Variants in RHOBTB3 observed in about 807,000 individuals in gnomAD.
RHOBTB3 encodes the protein Rho related BTB domain containing 3.
In RHOBTB3, 47 loss-of-function variants were observed where a neutral mutation model predicts 67.2. The ratio of observed to expected loss-of-function variants is 0.70; its 90% CI spans 0.55 to 0.89. The LOEUF (loss-of-function observed/expected upper bound fraction) is 0.89, where lower values mean the gene tolerates loss of function less well. Ranked by LOEUF, RHOBTB3 falls within the 40% of genes least tolerant of loss-of-function variation. The probability of loss-of-function intolerance (pLI) is 0.00; values close to 1 mark genes in which losing one functional copy is unlikely to be tolerated. For missense variants in RHOBTB3, 631 were observed against 750.0 expected, an observed-to-expected ratio of 0.84 and a Z score of 1.85; for synonymous variants, 273 against 274.2, an observed-to-expected ratio of 1.00 and a Z score of 0.04.
At chr5:95,738,021 C>T (rs1755495031) in intron 3 of RHOBTB3, among the ~76,000 whole-genome samples, 1 of 152,152 alleles carries the variant, frequency 6.6e-6, no homozygotes, top group African/African-American at 2.4e-5. Flanking sequence ...TAGCATAATA[C>T]TTTTGAGATT....
intron 3 of RHOBTB3, among the ~76,000 whole-genome samples, chr5:95,737,857 C>T (rs545358416): frequency 1.3e-5 from 2 of 152,294 alleles, no homozygotes; most frequent in East Asian, 3.9e-4. Context: ...CTTGAGAAGG[C>T]TCCCTCATGC....
At chr5:95,761,996 C>T (rs1031445852) in intron 6 of RHOBTB3, among the ~76,000 whole-genome samples, 1 of 152,160 alleles carries the variant, frequency 6.6e-6, no homozygotes, top group African/African-American at 2.4e-5. Flanking sequence ...CTACACTACA[C>T]AGCTTTGAGA....
upstream of RHOBTB3, among the ~76,000 whole-genome samples, chr5:95,726,903 A>T (rs1036997084): frequency 1.3e-5 from 2 of 152,006 alleles, no homozygotes; most frequent in Non-Finnish European, 2.9e-5. Flanking sequence ...TTACTGGTCA[A>T]CCTGGGGTAC....
chr5:95,783,208 G>A (rs994138670), intron 9 of RHOBTB3, among the ~76,000 whole-genome samples: 3 of 151,388 alleles, frequency 2.0e-5, no homozygotes, highest in Admixed American at 1.3e-4. Flanking sequence ...TGCAACCTTC[G>A]CCTCCCAGGT....
chr5:95,792,456 A>T (rs1365734658), intron 11 of RHOBTB3, among the ~76,000 whole-genome samples: 1 of 151,816 alleles, frequency 6.6e-6, no homozygotes, highest in Non-Finnish European at 1.5e-5. Context: ...ATGGAAAAAA[A>T]AAATAAGTCC....
intron 8 of RHOBTB3, among the ~76,000 whole-genome samples, chr5:95,776,617 A>T (rs1745891595): frequency 6.6e-6 from 1 of 152,200 alleles, no homozygotes; most frequent in Non-Finnish European, 1.5e-5. Flanking sequence ...GGAACAATTT[A>T]GACCAGAACT....
chr5:95,764,806 ATTGT>A (rs1745495883), intron 7 of RHOBTB3, among the ~76,000 whole-genome samples: 5 of 152,100 alleles, frequency 3.3e-5, no homozygotes, highest in Admixed American at 2.0e-4. Flanking sequence ...AAGATTCTTG[ATTGT>A]TCTTTAGTTG....
rs1488275827 is a variant in RHOBTB3, at chr5:95,736,936, C to T, written c.276C>T (p.Gly92=). Residue 92 remains glycine (G), a synonymous_variant, in exon 3 of 12, where the codon GGC becomes GGT. Transcript: ENST00000379982. ...DWYTSRNLIG[G]ADIIVIKYNV... The stretch of plus-strand genomic sequence containing the variant: ...ACACTTCTCGAAATCTAATTGGGGG[C>T]GCTGACATCATTGTGATCAAATACA... 24 of 1,611,666 alleles carry T rather than the reference C, an allele frequency of 1.5e-5. No individual in the cohort carries two copies. The East Asian group carries it at 1.6e-4, about 11-fold the overall frequency.
intron 9 of RHOBTB3, 119 bp from the exon 10 acceptor site, chr5:95,783,678 T>C: frequency 1.4e-6 from 1 of 734,444 alleles, no homozygotes; most frequent in South Asian, 2.5e-5. Flanking sequence ...TTCTATTCTA[T>C]GGTGGATGCT....
At chr5:95,735,049 C>T (rs181231426) in intron 2 of RHOBTB3, among the ~76,000 whole-genome samples, 72 of 152,262 alleles carry the variant, frequency 4.7e-4, no homozygotes, top group South Asian at 3.3e-3. Flanking sequence ...TATACTTACG[C>T]ACTCTGTTAT....
In RHOBTB3 at chr5:95,748,427, G is replaced by A. The variant is rs34896; in HGVS notation, c.510G>A (p.Ala170=). 682,063 of 1,610,656 alleles carry A rather than the reference G, an allele frequency of 0.42. 148,986 individuals carry two copies. Among genetic ancestry groups the A allele is most frequent in the East Asian group, 0.74 (32,959 of 44,808 alleles). ...EGIQLAKELG[A]TYLELHSLDD... is the part of the protein sequence containing the mutation. ...TCCAACTTGCAAAAGAACTAGGAGC[G>A]ACCTATCTTGAACTCCACAGCCTTG... Residue 170 remains alanine, a synonymous_variant, in exon 4 of 12, where the codon GCG becomes GCA. Transcript: ENST00000379982.
chr5:95,783,258 A>G (rs1008890506), intron 9 of RHOBTB3, among the ~76,000 whole-genome samples: 1 of 151,742 alleles, frequency 6.6e-6, no homozygotes, highest in Non-Finnish European at 1.5e-5. Context: ...AGTAGCTGGG[A>G]CTACAGGCGC....
chr5:95,752,414 T>C (rs977539498), intron 5 of RHOBTB3, 64 bp downstream of exon 5: 88 of 1,066,304 alleles, frequency 8.3e-5, no homozygotes, highest in Middle Eastern at 4.0e-4. Flanking sequence ...TTCTCACAGG[T>C]CTTAGAGCAA....
At chr5:95,726,622 C>T (rs1755060271), upstream of RHOBTB3, among the ~76,000 whole-genome samples, 1 of 152,174 alleles carries the variant, frequency 6.6e-6, no homozygotes, top group Admixed American at 6.5e-5. Context: ...GATTAGTCGT[C>T]GGTTTTTTAC....
intron 9 of RHOBTB3, among the ~76,000 whole-genome samples, chr5:95,783,358 G>A (rs1746118662): frequency 2.0e-5 from 3 of 151,450 alleles, no homozygotes; most frequent in South Asian, 2.1e-4. Context: ...TCTTGACCTC[G>A]TGATCCGCCC....
In RHOBTB3 at chr5:95,780,284, G is replaced by C; in HGVS notation, c.1315G>C (p.Val439Leu). The change falls in exon 9 of 12, where the codon GTG becomes CTG. Residue 439 changes from valine to leucine, a missense_variant. Physicochemically the swap from Val to Leu is conservative, Grantham distance 32. Transcript: ENST00000379982. ...AGTGCCAGCCCACAGGGCCATCCTG[G>C]TGGCCCGTTGTGAAGTGATGGCAGC... ...TTVPAHRAIL[V>L]ARCEVMAAMF... 1 of 1,613,886 alleles carries C rather than the reference G, an allele frequency of 6.2e-7. No individual in the cohort carries two copies. The highest frequency in any genetic ancestry group is 8.5e-7 in the Non-Finnish European group (1 of 1,179,802).
chr5:95,741,530 T>G (rs1755599408), intron 3 of RHOBTB3, among the ~76,000 whole-genome samples: 1 of 133,206 alleles, frequency 7.5e-6, no homozygotes. Flanking sequence ...TCTGTTTTTT[T>G]TTTTTTTTTT....
intron 10 of RHOBTB3, among the ~76,000 whole-genome samples, chr5:95,785,853 C>T (rs761749149): frequency 2.0e-5 from 3 of 152,114 alleles, no homozygotes; most frequent in Non-Finnish European, 4.4e-5. Flanking sequence ...AGAGAACTTC[C>T]CGTGTGGTCA....
chr5:95,718,771 A>G (rs1219762908), intron 1 of RHOBTB3, among the ~76,000 whole-genome samples: 1 of 152,228 alleles, frequency 6.6e-6, no homozygotes, highest in East Asian at 1.9e-4. Flanking sequence ...AGAACAGACA[A>G]GAGATGCAGC....
Sources: allele counts gnomAD v4.1 joint callset (sites outside exome capture counted in the v4.1 genomes callset), GRCh38; gene constraint gnomAD v4.1.1; transcripts MANE v1.5; gene names NCBI Gene and HGNC (gene_info 2026-07-23, HGNC 2026-07-21).